TK2: variants seen among roughly 807,000 people sequenced by gnomAD.
TK2 encodes thymidine kinase 2, mitochondrial.
TK2 carries 35 observed loss-of-function variants against 41.9 expected under a neutral mutation model. The observed-to-expected ratio is 0.84, with a 90% CI of 0.64 to 1.11. TK2 has a LOEUF of 1.11. TK2 is among the 50% of genes least tolerant of loss of function. The pLI is 0.00. For synonymous variants in TK2, 128 were observed against 129.1 expected, an observed-to-expected ratio of 0.99 and a Z score of 0.06; for missense variants, 320 against 351.1, an observed-to-expected ratio of 0.91 and a Z score of 0.71.
intron 4 of TK2, among the ~76,000 whole-genome samples, chr16:66,533,286 A>C (rs1414111997): frequency 7.0e-6 from 1 of 143,720 alleles, no homozygotes; most frequent in African/African-American, 2.6e-5. Context: ...CTGGCCAGGC[A>C]GATCATGCCA....
rs995635473 is a variant in TK2, at chr16:66,541,759, C to A, written c.231+120G>T. ...AGGATATTAGAAATGTTAAATTACA[C>A]CTGTGGCTTGCACTTGTGGCTCAAA... On this transcript the variant is annotated intron_variant, in intron 3 of 9. Coordinates refer to ENST00000544898, the MANE Select transcript of TK2 (RefSeq NM_004614.5). 1.1e-5 allele frequency: 11 copies of A among 1,000,058 alleles called. No homozygotes were observed. In the South Asian group the frequency reaches 1.3e-4, roughly 12 times the overall value. 61.9% of individuals were successfully genotyped at this position (1,000,058 alleles called of 1,614,324 possible).
At chr16:66,538,690 G>A (rs1228886356) in intron 3 of TK2, among the ~76,000 whole-genome samples, 4 of 152,172 alleles carry the variant, frequency 2.6e-5, no homozygotes, top group Non-Finnish European at 4.4e-5. Context: ...CCCAAGAAGT[G>A]GTATAAAAGA....
Position 66,514,835 on chromosome 16 carries a change from G to A in TK2, c.619-1024C>T, listed in dbSNP as rs187484347. On this transcript the variant is annotated intron_variant, in intron 8 of 9. Coordinates refer to ENST00000544898, the MANE Select transcript of TK2 (RefSeq NM_004614.5). The surrounding 1 kb of genome is among the most constrained non-coding windows in gnomAD (Gnocchi z 4.2). ...GTTCTGTACTAAGAAAAATTCTTCT[G>A]CCTTGGGATGCTGTTAGTCTATAAC... Among the ~76,000 whole-genome samples the A allele has an allele frequency of 3.9e-5, 6 of 152,294 alleles. No individual in the cohort carries two copies. In the East Asian group the frequency reaches 1.2e-3, roughly 29 times the overall value.
rs1486200463 is a variant in TK2 at position 66,509,400 on chromosome 16, T to C, written c.*2568A>G. 2 of 152,220 alleles carry C rather than the reference T, an allele frequency of 1.3e-5. No homozygotes were observed. The highest frequency in any genetic ancestry group is 2.9e-5 in the Non-Finnish European group (2 of 68,040). The allele number at this position is 152,220 out of a possible 1,614,324, so 9.4% of individuals were successfully genotyped here. A position where few individuals can be genotyped will look rare whatever the true frequency, so the allele number is the denominator to read the frequency against. ...ACACTTCTTTTATGTAAAAGATAAA[T>C]ATATTTCTATCTAGTTTCCAAAAAA... On this transcript the variant is annotated 3_prime_UTR_variant, in exon 10 of 10. Coordinates refer to ENST00000544898, the MANE Select transcript of TK2 (RefSeq NM_004614.5).
chr16:66,548,917 TTC>T, intron 2 of TK2, 59 bp downstream of exon 2: 3 of 1,512,700 alleles, frequency 2.0e-6, no homozygotes, highest in Admixed American at 1.8e-5. Flanking sequence ...CTCTGCTTTT[TTC>T]TCTCTCCTCT....
chr16:66,549,209 T>C lies in TK2; in HGVS notation c.125-200A>G, dbSNP rs952527548. 9.0e-6 allele frequency: 13 copies of C among 1,444,280 alleles called. No individual in the cohort carries two copies. In the African/African-American group the frequency reaches 1.9e-4, roughly 21 times the overall value. The allele number at this position is 1,444,280 out of a possible 1,614,324, so 89.5% of individuals were successfully genotyped here. ...GCCACCCTGGGCTGCAGCTGCAGCTTCGTGGACCCCCAGTGTGCTCGAGTT... is the reference window on the plus strand; with the variant it reads ...GCCACCCTGGGCTGCAGCTGCAGCTCCGTGGACCCCCAGTGTGCTCGAGTT... On this transcript the variant is annotated intron_variant, in intron 1 of 9. Coordinates refer to ENST00000544898, the MANE Select transcript of TK2 (RefSeq NM_004614.5).
chr16:66,516,645 C>T lies in TK2; in HGVS notation c.618+491G>A, dbSNP rs1327550452. Among the ~76,000 whole-genome samples, 10 of 152,174 alleles carry T rather than the reference C, an allele frequency of 6.6e-5. No homozygotes were observed. The East Asian group carries it at 1.9e-3, about 29-fold the overall frequency. On this transcript the variant is annotated intron_variant, in intron 8 of 9. Transcript: ENST00000544898. Reference sequence around the variant, plus strand: ...GAGAGTCAGTGTGGCCTGAGCAGAACTCAGAAGGGCATGGCATCTCTCCAG... The same window carrying T: ...GAGAGTCAGTGTGGCCTGAGCAGAATTCAGAAGGGCATGGCATCTCTCCAG...
intron 2 of TK2, among the ~76,000 whole-genome samples, chr16:66,545,478 T>C (rs543659406): frequency 2.0e-5 from 3 of 152,260 alleles, no homozygotes; most frequent in South Asian, 4.1e-4. Flanking sequence ...TATTCAGCTA[T>C]AGGAAAAAAT....
chr16:66,513,648 C>A, intron 9 of TK2, 83 bp downstream of exon 9: 1 of 1,273,178 alleles, frequency 7.9e-7, no homozygotes, highest in Non-Finnish European at 1.1e-6. Context: ...CTGTGCCCTC[C>A]CCTGTCTGCA....
chr16:66,547,839 TA>T, intron 2 of TK2: 1 of 1,200,138 alleles, frequency 8.3e-7, no homozygotes, highest in Non-Finnish European at 1.1e-6. Flanking sequence ...GCAGGCTCCA[TA>T]CCACTTTCTA....
rs377466522 is a variant in TK2 at position 66,513,739 on chromosome 16, G to C, written c.691C>G (p.Pro231Ala). 6.2e-7 allele frequency: 1 copy of C among 1,613,912 alleles called. No individual in the cohort carries two copies. The highest frequency in any genetic ancestry group is 8.5e-7 in the Non-Finnish European group (1 of 1,179,940). ...AAGGGAGTCTTACTTACCAGAACAGGGGCTGCCATGGGGAAAAGGCTGCCT... is the reference window on the plus strand; with the variant it reads ...AAGGGAGTCTTACTTACCAGAACAGCGGCTGCCATGGGGAAAAGGCTGCCT... ...IKGSLFPMAA[P>A]VLVIEADHHM... is the part of the protein sequence containing the mutation. The change falls in exon 9 of 10, where the codon CCT becomes GCT. Residue 231 changes from proline (P) to alanine (A), a missense_variant. Coordinates refer to ENST00000544898, the MANE Select transcript of TK2 (RefSeq NM_004614.5).
In TK2 at chr16:66,528,999, A is replaced by G. The variant is rs768364178; in HGVS notation, c.444T>C (p.Tyr148=). Residue 148 remains tyrosine, a synonymous_variant, in exon 6 of 10, where the codon TAT becomes TAC. Transcript: ENST00000544898. ...SARYIFVENL[Y]RSGKMPEVDY... Reference sequence around the variant, plus strand: ...AACTATTCAAACTACAGTACCTTCTATACAGGTTTTCTACAAAAATGTATC... The same window carrying G: ...AACTATTCAAACTACAGTACCTTCTGTACAGGTTTTCTACAAAAATGTATC... The G allele has an allele frequency of 7.4e-6, 12 of 1,614,052 alleles. No individual in the cohort carries two copies. The highest frequency in any genetic ancestry group is 1.7e-5 in the Admixed American group (1 of 60,028).
intron 6 of TK2, among the ~76,000 whole-genome samples, chr16:66,526,623 T>G (rs958383080): frequency 6.6e-6 from 1 of 152,082 alleles, no homozygotes; most frequent in Non-Finnish European, 1.5e-5. Context: ...AGTGGTGACA[T>G]GTGCTGTAGG....
chr16:66,517,124 G>A lies in TK2; in HGVS notation c.618+12C>T. The A allele has an allele frequency of 6.2e-7, 1 of 1,613,728 alleles. No individual in the cohort carries two copies. The highest frequency in any genetic ancestry group is 8.5e-7 in the Non-Finnish European group (1 of 1,179,630). On this transcript the variant is annotated intron_variant, in intron 8 of 9. Coordinates refer to ENST00000544898, the MANE Select transcript of TK2 (RefSeq NM_004614.5). This position sits in a 1 kb window ranked among gnomAD's most constrained non-coding sequence, Gnocchi z 4.3. ...CCAGTTTGTCTTTAACCAAGTCAAA[G>A]AGGCCTCTTACCAGCGGAATGACCT...
intron 9 of TK2, 148 bp downstream of exon 9, chr16:66,513,583 G>A: frequency 2.6e-6 from 2 of 757,412 alleles, no homozygotes; most frequent in South Asian, 1.5e-5. Context: ...GGCACTGGGA[G>A]AGAGAGCACC....
chr16:66,532,720 T>C (rs1010931245), intron 4 of TK2, among the ~76,000 whole-genome samples: 5 of 151,562 alleles, frequency 3.3e-5, no homozygotes, highest in Admixed American at 6.6e-5. Context: ...ATGAAAGAAA[T>C]TGAACAGAAC....
intron 6 of TK2, 78 bp downstream of exon 6, chr16:66,528,916 C>A: frequency 7.2e-7 from 1 of 1,391,246 alleles, no homozygotes; most frequent in Admixed American, 1.7e-5. Flanking sequence ...CCATATCTGT[C>A]AATCGAATAA....
intron 4 of TK2, among the ~76,000 whole-genome samples, chr16:66,536,616 G>T (rs951880150): frequency 1.3e-5 from 2 of 152,138 alleles, no homozygotes; most frequent in Admixed American, 1.3e-4. Context: ...GTCCTGGGGG[G>T]GTTAGGCCTG....
Position 66,512,034 on chromosome 16 carries a change from C to T in TK2, c.732G>A (p.Met244Ile). The T allele has an allele frequency of 6.2e-7, 1 of 1,614,194 alleles. No homozygotes were observed. Among genetic ancestry groups the T allele is most frequent in the Non-Finnish European group, 8.5e-7 (1 of 1,180,048 alleles). ...CCCGATTTTGTTCAAAGAGTTCTAA[C>T]ATCCTCTCCATGTGGTGGTCAGCCT... ...VIEADHHMER[M>I]LELFEQNRDR... The change falls in exon 10 of 10, where the codon ATG becomes ATA. Residue 244 changes from methionine (M) to isoleucine (I), a missense_variant. Met to Ile is a conservative substitution (Grantham distance 10). Transcript: ENST00000544898.
Sources: gnomAD v4.1 joint callset for allele counts (sites outside exome capture counted in the v4.1 genomes callset) on GRCh38, gnomAD v4.1.1 for gene constraint, Gnocchi (gnomAD v3.1) non-coding constraint, MANE v1.5 for transcripts, NCBI Gene and HGNC (gene_info 2026-07-23, HGNC 2026-07-21) for gene names.